PDZD9: variants seen among roughly 807,000 people sequenced by gnomAD.
PDZD9 encodes PDZ domain containing 9.
A neutral mutation model predicts 16.3 loss-of-function variants in PDZD9; 13 were observed. The observed-to-expected ratio is 0.80, with a 90% CI of 0.52 to 1.27. The LOEUF is 1.27. PDZD9 is among the 50% of genes most tolerant of loss of function. The probability of loss-of-function intolerance (pLI) is 0.00; values close to 1 mark genes in which losing one functional copy is unlikely to be tolerated. For synonymous variants in PDZD9, 120 were observed against 111.0 expected, an observed-to-expected ratio of 1.08 and a Z score of -0.51; for missense variants, 288 against 310.9, an observed-to-expected ratio of 0.93 and a Z score of 0.55.
At chr16:21,974,030 G>A in the PDZD9 span, 115 of 1,460,258 alleles carry the variant, frequency 7.9e-5, 1 homozygote, top group Admixed American at 1.3e-4. Flanking sequence ...TCTCCCCCCC[G>A]CCATAAACAT....
the PDZD9 span, chr16:21,962,386 G>T: frequency 6.4e-7 from 1 of 1,553,562 alleles, no homozygotes; most frequent in Non-Finnish European, 8.9e-7. Flanking sequence ...AAAGGAATTG[G>T]TTGATAGAAG....
At chr16:21,987,825 A>G (rs1898915774) in intron 3 of PDZD9, among the ~76,000 whole-genome samples, 1 of 152,116 alleles carries the variant, frequency 6.6e-6, no homozygotes, top group African/African-American at 2.4e-5. Context: ...TACAGCTTTT[A>G]GCAAGTTGGG....
intron 1 of PDZD9, among the ~76,000 whole-genome samples, chr16:21,996,978 A>G (rs1354230958): frequency 6.6e-6 from 1 of 152,166 alleles, no homozygotes; most frequent in Non-Finnish European, 1.5e-5. Flanking sequence ...ATGTGCTACT[A>G]TACACGGCTA....
At chr16:21,960,891 T>C in the PDZD9 span, among the ~76,000 whole-genome samples, 1 of 152,002 alleles carries the variant, frequency 6.6e-6, no homozygotes, top group Non-Finnish European at 1.5e-5. Context: ...AGTGGAGTGG[T>C]GCAGACATAC....
chr16:21,974,846 A>C, the PDZD9 span, among the ~76,000 whole-genome samples: 1 of 152,228 alleles, frequency 6.6e-6, no homozygotes, highest in East Asian at 1.9e-4. Flanking sequence ...AGACAGGCTA[A>C]TATTGGAAGA....
At chr16:21,958,500 A>C in the PDZD9 span, 3 of 1,603,354 alleles carry the variant, frequency 1.9e-6, no homozygotes, top group Non-Finnish European at 2.6e-6. Context: ...TTGGCATTGA[A>C]AAGCTACAAA....
chr16:21,993,404 GT>G (rs967077159), intron 2 of PDZD9, among the ~76,000 whole-genome samples: 12 of 152,250 alleles, frequency 7.9e-5, no homozygotes, highest in Non-Finnish European at 1.6e-4. Flanking sequence ...GAGTTCTTTT[GT>G]TCTGGTAAGT....
chr16:21,998,074 A>C (rs982195507), intron 1 of PDZD9, among the ~76,000 whole-genome samples: 4 of 152,170 alleles, frequency 2.6e-5, no homozygotes, highest in Admixed American at 6.5e-5. Context: ...TAATATAAAC[A>C]AGATACCATC....
At chr16:21,976,331 C>A in the PDZD9 span, 1 of 1,137,222 alleles carries the variant, frequency 8.8e-7, no homozygotes, top group South Asian at 1.3e-5. Context: ...AATCTATGCT[C>A]ATAAGGACTG....
chr16:21,976,374 A>AC, the PDZD9 span: 2 of 742,994 alleles, frequency 2.7e-6, no homozygotes, highest in Non-Finnish European at 4.4e-6. Flanking sequence ...AGGGAAACAT[A>AC]CCCATATCCT....
chr16:21,972,266 G>C, the PDZD9 span: 1 of 1,126,562 alleles, frequency 8.9e-7, no homozygotes, highest in Non-Finnish European at 1.2e-6. Flanking sequence ...CTTGATTTTA[G>C]TATCTTTGAA....
chr16:21,970,998 T>C, the PDZD9 span, among the ~76,000 whole-genome samples: 1 of 152,188 alleles, frequency 6.6e-6, no homozygotes, highest in Non-Finnish European at 1.5e-5. Context: ...TTAGCAGATA[T>C]ATTATCTGCA....
At chr16:21,996,573 G>A (rs1899157352) in intron 1 of PDZD9, 72 bp from the exon 2 acceptor site, 2 of 1,345,488 alleles carry the variant, frequency 1.5e-6, no homozygotes, top group Non-Finnish European at 2.0e-6. Context: ...CTGGGGTTCT[G>A]AAGCCAGATC....
the PDZD9 span, among the ~76,000 whole-genome samples, chr16:21,958,945 A>G: frequency 1.8e-4 from 27 of 152,252 alleles, no homozygotes; most frequent in Non-Finnish European, 3.7e-4. Flanking sequence ...ACTGTGGTCT[A>G]CTAAGTGTAC....
chr16:21,972,221 C>A, the PDZD9 span: 1 of 1,425,654 alleles, frequency 7.0e-7, no homozygotes, highest in Non-Finnish European at 9.5e-7. Context: ...GACAAACACA[C>A]AGAAAATCTT....
At chr16:21,972,021 C>A in the PDZD9 span, 1 of 1,614,146 alleles carries the variant, frequency 6.2e-7, no homozygotes, top group African/African-American at 1.3e-5. Context: ...ATTTAGTGTT[C>A]TTCAGCATGT....
At chr16:21,981,068 A>G (rs1285795938), downstream of PDZD9, among the ~76,000 whole-genome samples, 1 of 152,208 alleles carries the variant, frequency 6.6e-6, no homozygotes, top group Non-Finnish European at 1.5e-5. Context: ...AGTAAAGAAG[A>G]GTCAAATATT....
chr16:21,958,848 C>T, the PDZD9 span, among the ~76,000 whole-genome samples: 2 of 152,108 alleles, frequency 1.3e-5, no homozygotes, highest in Non-Finnish European at 2.9e-5. Flanking sequence ...CTGTTCCAGA[C>T]CACCACAATG....
intron 2 of PDZD9, among the ~76,000 whole-genome samples, chr16:21,992,481 G>A (rs1449357182): frequency 6.6e-6 from 1 of 152,156 alleles, no homozygotes; most frequent in African/African-American, 2.4e-5. Context: ...TGGACTTGGA[G>A]AGGCAGACCC....
Sources: gnomAD v4.1 joint callset for allele counts (sites outside exome capture counted in the v4.1 genomes callset) on GRCh38, gnomAD v4.1.1 for gene constraint, MANE v1.5 for transcripts, NCBI Gene and HGNC (gene_info 2026-07-23, HGNC 2026-07-21) for gene names.